The following LPP variants were observed in gnomAD, a reference collection of about 807,000 sequenced individuals.
LPP encodes LIM domain containing preferred translocation partner in lipoma, also known as lipoma-preferred partner.
In LPP, 38 loss-of-function variants were observed where a neutral mutation model predicts 60.4. The ratio of observed to expected loss-of-function variants is 0.63; its 90% CI spans 0.49 to 0.83. The LOEUF (loss-of-function observed/expected upper bound fraction) is 0.83, where lower values mean the gene tolerates loss of function less well. LPP is among the 40% of genes least tolerant of loss of function. The pLI is 0.00. For missense variants in LPP, 902 were observed against 783.6 expected, an observed-to-expected ratio of 1.15 and a Z score of -1.80; for synonymous variants, 328 against 290.8, an observed-to-expected ratio of 1.13 and a Z score of -1.30.
At chr3:188,303,366 T>C (rs182149586) in intron 2 of LPP, among the ~76,000 whole-genome samples, 1 of 152,352 alleles carries the variant, frequency 6.6e-6, no homozygotes, top group Admixed American at 6.5e-5. Context: ...GTTTTGTTCA[T>C]TGGCTGTGTC....
At chr3:188,497,219 C>T (rs1245492492) in intron 5 of LPP, among the ~76,000 whole-genome samples, 2 of 152,056 alleles carry the variant, frequency 1.3e-5, no homozygotes, top group Non-Finnish European at 2.9e-5. Context: ...CCTCTCTGAA[C>T]TGTAGATGAC....
In LPP at chr3:188,789,382, G is replaced by A. The variant is rs970258074; in HGVS notation, c.1410+29100G>A. Among the ~76,000 whole-genome samples the A allele has an allele frequency of 4.6e-5, 7 of 152,186 alleles. No homozygotes were observed. In the East Asian group the frequency reaches 1.3e-3, roughly 29 times the overall value. ...TCAGGAAAGCTGGGCCCAGGGGGCT[G>A]GCCTTGAGCAGCTGACTAAGCCTGT... On this transcript the variant is annotated intron_variant, in intron 9 of 11. Transcript: ENST00000617246.
intron 2 of LPP, among the ~76,000 whole-genome samples, chr3:188,239,483 T>G (rs1043681854): frequency 1.3e-5 from 2 of 152,214 alleles, no homozygotes; most frequent in Admixed American, 6.5e-5. Flanking sequence ...CAATTTTATT[T>G]TTACTTTATA....
chr3:188,539,559 A>C (rs997676963), intron 6 of LPP, among the ~76,000 whole-genome samples: 44 of 152,308 alleles, frequency 2.9e-4, no homozygotes, highest in African/African-American at 9.9e-4. Context: ...GCCTGAGAAG[A>C]GAGCAAGTTT....
At chr3:188,856,284 G>C (rs1158442938) in intron 9 of LPP, among the ~76,000 whole-genome samples, 1 of 152,112 alleles carries the variant, frequency 6.6e-6, no homozygotes, top group African/African-American at 2.4e-5. Context: ...TACATGGCAA[G>C]AAAAATTACC....
chr3:188,237,891 C>T (rs1410482929), intron 2 of LPP, among the ~76,000 whole-genome samples: 1 of 152,190 alleles, frequency 6.6e-6, no homozygotes, highest in African/African-American at 2.4e-5. Context: ...GAGAGTTACC[C>T]TGTCCTTTGA....
At chr3:188,667,274 A>C (rs1459551526) in intron 7 of LPP, among the ~76,000 whole-genome samples, 1 of 151,926 alleles carries the variant, frequency 6.6e-6, no homozygotes, top group Non-Finnish European at 1.5e-5. Flanking sequence ...GTCAGGAGAT[A>C]GAGACCATCC....
At chr3:188,734,736 G>A (rs1047068521) in intron 8 of LPP, among the ~76,000 whole-genome samples, 1 of 152,232 alleles carries the variant, frequency 6.6e-6, no homozygotes, top group South Asian at 2.1e-4. Context: ...CCTGCCTGAA[G>A]GCAGGTGCAC....
intron 7 of LPP, among the ~76,000 whole-genome samples, chr3:188,649,292 G>T (rs537487512): frequency 6.6e-6 from 1 of 152,282 alleles, no homozygotes; most frequent in Non-Finnish European, 1.5e-5. Flanking sequence ...CTAGGATTAT[G>T]GTTACATTGT....
chr3:188,387,892 C>G (rs1778732327), intron 3 of LPP, among the ~76,000 whole-genome samples: 1 of 148,566 alleles, frequency 6.7e-6, no homozygotes, highest in African/African-American at 2.5e-5. Context: ...ATGGTTATTT[C>G]TATCTATTGA....
At chr3:188,868,228 C>T (rs1767160106) in intron 10 of LPP, among the ~76,000 whole-genome samples, 1 of 152,220 alleles carries the variant, frequency 6.6e-6, no homozygotes, top group Non-Finnish European at 1.5e-5. Context: ...AAGACTGATA[C>T]TTATAATCGG....
In LPP at chr3:188,406,132, A is replaced by G. The variant is rs1300974366; in HGVS notation, c.12A>G (p.Pro4=). The G allele has an allele frequency of 6.2e-7, 1 of 1,612,730 alleles. No homozygotes were observed. Among genetic ancestry groups the G allele is most frequent in the Non-Finnish European group, 8.5e-7 (1 of 1,179,482 alleles). MSH[P]SWLPPKSTGE... Reference sequence around the variant, plus strand: ...TGCAGATTCCAACAATGTCTCACCCATCTTGGCTGCCACCCAAAAGCACTG... The same window carrying G: ...TGCAGATTCCAACAATGTCTCACCCGTCTTGGCTGCCACCCAAAAGCACTG... The change falls in exon 4 of 12, where the codon CCA becomes CCG. Residue 4 remains proline (P), a synonymous_variant. Coordinates refer to ENST00000617246, the MANE Select transcript of LPP (RefSeq NM_001375462.1).
intron 4 of LPP, among the ~76,000 whole-genome samples, chr3:188,445,308 C>T (rs1289057011): frequency 2.0e-5 from 3 of 151,974 alleles, no homozygotes; most frequent in Admixed American, 1.3e-4. Flanking sequence ...ACTATGCAGC[C>T]ATAAAAAAGG....
chr3:188,343,225 C>A lies in LPP; in HGVS notation c.-10+1506C>A, dbSNP rs536883377. 1.3e-4 allele frequency among the ~76,000 whole-genome samples: 20 copies of A among 152,208 alleles called. 1 individual carries two copies. The South Asian group carries it at 3.9e-3, about 30-fold the overall frequency. Reference sequence around the variant, plus strand: ...GTTCCCCTCCCTGTGTCCATGTGTTCTCGTTCAACTCCCACTTCTGAGTGA... The same window carrying A: ...GTTCCCCTCCCTGTGTCCATGTGTTATCGTTCAACTCCCACTTCTGAGTGA... On this transcript the variant is annotated intron_variant, in intron 3 of 11. Coordinates refer to ENST00000617246, the MANE Select transcript of LPP (RefSeq NM_001375462.1).
chr3:188,637,481 A>G (rs1580590868), intron 7 of LPP, among the ~76,000 whole-genome samples: 1 of 151,128 alleles, frequency 6.6e-6, no homozygotes, highest in African/African-American at 2.4e-5. Flanking sequence ...AACACATTCA[A>G]AAGCTAGCAG....
chr3:188,373,112 G>A lies in LPP; in HGVS notation c.-10+31393G>A, dbSNP rs562744106. Among the ~76,000 whole-genome samples the A allele has an allele frequency of 9.2e-5, 14 of 152,138 alleles. No homozygotes were observed. In the South Asian group the frequency reaches 2.9e-3, roughly 32 times the overall value. ...TTCTTAATCCAGTCTATTGTTGTTG[G>A]ACATTTGGGTTGGTTCGAAGTCTTT... On this transcript the variant is annotated intron_variant, in intron 3 of 11. Transcript: ENST00000617246.
At chr3:188,291,022 T>C (rs1745749489) in intron 2 of LPP, among the ~76,000 whole-genome samples, 1 of 152,212 alleles carries the variant, frequency 6.6e-6, no homozygotes, top group South Asian at 2.1e-4. Context: ...GAATTTGGCA[T>C]ACCACTTTTT....
At chr3:188,583,368 GATA>G (rs200340619) in intron 6 of LPP, among the ~76,000 whole-genome samples, 2,918 of 152,206 alleles carry the variant, frequency 0.019, 63 homozygotes, top group Non-Finnish European at 0.026. Context: ...AGAGTCACAT[GATA>G]TTGTTTTTAG....
intron 8 of LPP, among the ~76,000 whole-genome samples, chr3:188,734,042 G>A (rs564041016): frequency 2.6e-5 from 4 of 151,830 alleles, no homozygotes; most frequent in South Asian, 4.2e-4. Flanking sequence ...TACTTTTAAC[G>A]TTTGCCTTAT....
Sources: gnomAD v4.1 joint callset for allele counts (sites outside exome capture counted in the v4.1 genomes callset) on GRCh38, gnomAD v4.1.1 for gene constraint, MANE v1.5 for transcripts, NCBI Gene and HGNC (gene_info 2026-07-23, HGNC 2026-07-21) for gene names.